HDAC9: variants seen among roughly 807,000 people sequenced by gnomAD.
The protein encoded by HDAC9 is MEF-2 interacting transcription repressor (MITR) protein.
HDAC9 carries 41 observed loss-of-function variants against 139.4 expected under a neutral mutation model. The observed-to-expected ratio is 0.29, with a 90% CI of 0.23 to 0.38. The LOEUF (loss-of-function observed/expected upper bound fraction) is 0.38. Ranked by LOEUF, HDAC9 falls within the 10% of genes least tolerant of loss-of-function variation. The probability of loss-of-function intolerance (pLI) is 1.00; values close to 1 mark genes in which losing one functional copy is unlikely to be tolerated. For synonymous variants in HDAC9, 517 were observed against 476.2 expected (o/e 1.09, Z -1.12); for missense variants, 1,147 against 1,297.0 (o/e 0.88, Z 1.78).
At chr7:18,905,941 CTCTT>C (rs1802208835) in intron 22 of HDAC9, among the ~76,000 whole-genome samples, 1 of 143,858 alleles carries the variant, frequency 7.0e-6, no homozygotes, top group Non-Finnish European at 1.5e-5. Flanking sequence ...TTTCTTTCTC[CTCTT>C]TCTTTCCTTC....
chr7:18,674,794 A>AT (rs1272150482), intron 12 of HDAC9, among the ~76,000 whole-genome samples: 1 of 151,924 alleles, frequency 6.6e-6, no homozygotes, highest in Non-Finnish European at 1.5e-5. Context: ...CTAGTAATAT[A>AT]TTTTTTAAAC....
chr7:18,610,347 C>A (rs760228597), intron 6 of HDAC9, among the ~76,000 whole-genome samples: 7 of 152,140 alleles, frequency 4.6e-5, no homozygotes, highest in Non-Finnish European at 7.4e-5. Context: ...GTATGAGTTC[C>A]AGTCTTGCCT....
At chr7:18,286,007 T>A (rs1423664641), upstream of HDAC9, among the ~76,000 whole-genome samples, 1 of 152,108 alleles carries the variant, frequency 6.6e-6, no homozygotes, top group Non-Finnish European at 1.5e-5. Flanking sequence ...TCCCCAACAA[T>A]GTTGAACTAG....
chr7:18,556,195 A>G (rs1366503071), intron 2 of HDAC9, among the ~76,000 whole-genome samples: 1 of 152,046 alleles, frequency 6.6e-6, no homozygotes, highest in African/African-American at 2.4e-5. Flanking sequence ...TGTTAGAAAT[A>G]TGTGTTGGGA....
intron 1 of HDAC9, chr7:18,429,235 A>C (rs554896604): frequency 6.6e-6 from 1 of 152,182 alleles, no homozygotes; most frequent in African/African-American, 2.4e-5. Context: ...CATGATATGA[A>C]TTAGGAGTTC....
At chr7:18,988,004 C>T (rs1054213382) in intron 25 of HDAC9, among the ~76,000 whole-genome samples, 4 of 152,026 alleles carry the variant, frequency 2.6e-5, no homozygotes, top group Non-Finnish European at 4.4e-5. Flanking sequence ...TTTGTTGATC[C>T]TTTCAAAAAA....
At chr7:18,884,209 T>C (rs2129259907) in intron 22 of HDAC9, among the ~76,000 whole-genome samples, 1 of 152,282 alleles carries the variant, frequency 6.6e-6, no homozygotes, top group Admixed American at 6.5e-5. Flanking sequence ...CAAAAATTTG[T>C]GTGGAACCAC....
chr7:18,659,840 G>A (rs1417656767), intron 11 of HDAC9, among the ~76,000 whole-genome samples: 1 of 152,074 alleles, frequency 6.6e-6, no homozygotes, highest in Non-Finnish European at 1.5e-5. Flanking sequence ...TTCGTCTTCT[G>A]TTATCTAGCC....
At chr7:18,803,115 G>C (rs1430004045) in intron 17 of HDAC9, among the ~76,000 whole-genome samples, 1 of 151,238 alleles carries the variant, frequency 6.6e-6, no homozygotes, top group Non-Finnish European at 1.5e-5. Flanking sequence ...TTCTCTATGT[G>C]ACCTCTTTTT....
intron 22 of HDAC9, among the ~76,000 whole-genome samples, chr7:18,909,706 C>T (rs958536683): frequency 4.6e-5 from 7 of 151,754 alleles, no homozygotes; most frequent in Non-Finnish European, 8.9e-5. Context: ...TTGCATGATG[C>T]GGAGACTGTC....
intron 2 of HDAC9, among the ~76,000 whole-genome samples, chr7:18,221,106 CTT>C (rs537033538): frequency 3.6e-5 from 5 of 139,634 alleles, no homozygotes; most frequent in Non-Finnish European, 3.1e-5. Flanking sequence ...ATTTCTATTC[CTT>C]TTTTTTTTTT....
At chr7:18,987,919 T>A (rs1272693939) in intron 25 of HDAC9, among the ~76,000 whole-genome samples, 1 of 151,470 alleles carries the variant, frequency 6.6e-6, no homozygotes, top group Admixed American at 6.6e-5. Flanking sequence ...TGATATCCTC[T>A]TTATCATTTT....
At chr7:18,796,685 G>T (rs531908608) in intron 17 of HDAC9, among the ~76,000 whole-genome samples, 1 of 152,270 alleles carries the variant, frequency 6.6e-6, no homozygotes, top group East Asian at 1.9e-4. Context: ...GGCATGTTTG[G>T]TGTATTGGAA....
chr7:18,548,666 C>G (rs771375207), intron 2 of HDAC9, among the ~76,000 whole-genome samples: 20 of 152,124 alleles, frequency 1.3e-4, no homozygotes, highest in Admixed American at 2.6e-4. Flanking sequence ...ATAAATAACT[C>G]AACACTCAAC....
chr7:18,302,881 C>T (rs1798634513), intron 1 of HDAC9, among the ~76,000 whole-genome samples: 1 of 152,078 alleles, frequency 6.6e-6, no homozygotes, highest in African/African-American at 2.4e-5. Context: ...CTTCTTTTTC[C>T]AGAGTTCTTT....
intron 2 of HDAC9, among the ~76,000 whole-genome samples, chr7:18,567,327 C>T (rs1005226994): frequency 2.0e-5 from 3 of 152,186 alleles, no homozygotes; most frequent in African/African-American, 7.2e-5. Flanking sequence ...AACCCCTATA[C>T]AAGAGCATTT....
intron 2 of HDAC9, among the ~76,000 whole-genome samples, chr7:18,273,436 G>C (rs1796516291): frequency 6.6e-6 from 1 of 152,052 alleles, no homozygotes; most frequent in Non-Finnish European, 1.5e-5. Flanking sequence ...GAGCCAGAAA[G>C]GACTAATTTA....
chr7:18,995,642 G>C (rs1333785443), intron 25 of HDAC9, among the ~76,000 whole-genome samples: 1 of 152,172 alleles, frequency 6.6e-6, no homozygotes, highest in East Asian at 1.9e-4. Flanking sequence ...AGCTAGCTGG[G>C]TCCTTTGCTC....
intron 1 of HDAC9, among the ~76,000 whole-genome samples, chr7:18,455,796 C>A (rs1230122607): frequency 6.6e-6 from 1 of 152,150 alleles, no homozygotes; most frequent in Non-Finnish European, 1.5e-5. Flanking sequence ...CTCCTCTCTC[C>A]ATTTCCCACA....
Sources: allele counts gnomAD v4.1 joint callset (sites outside exome capture counted in the v4.1 genomes callset), GRCh38; gene constraint gnomAD v4.1.1; transcripts MANE v1.5; gene names NCBI Gene and HGNC (gene_info 2026-07-23, HGNC 2026-07-21).